The following TOP6BL variants were observed in gnomAD, a reference collection of about 807,000 sequenced individuals.
TOP6BL encodes the protein TOP6B like initiator of meiotic double strand breaks.
chr11:66,748,389 T>G, the TOP6BL span: 17 of 1,535,406 alleles, frequency 1.1e-5, no homozygotes, highest in Non-Finnish European at 1.5e-5. Flanking sequence ...ATTTTGAGAT[T>G]TTTAATAATT....
At chr11:66,779,489 G>A in the TOP6BL span, among the ~76,000 whole-genome samples, 65 of 152,216 alleles carry the variant, frequency 4.3e-4, no homozygotes, top group Admixed American at 1.5e-3. Context: ...TTAGAATGGC[G>A]ATCATTAAAA....
At chr11:66,784,057 G>A in the TOP6BL span, among the ~76,000 whole-genome samples, 1 of 152,040 alleles carries the variant, frequency 6.6e-6, no homozygotes, top group Non-Finnish European at 1.5e-5. Context: ...CTGAGATGGA[G>A]TCTTGCTCTG....
chr11:66,843,507 G>A, the TOP6BL span: 2 of 1,493,336 alleles, frequency 1.3e-6, no homozygotes, highest in South Asian at 1.3e-5. Flanking sequence ...GTCGCGGCCG[G>A]AGCGGCCGCC....
chr11:66,822,581 G>A, the TOP6BL span: 3 of 1,551,652 alleles, frequency 1.9e-6, no homozygotes, highest in East Asian at 2.4e-5. Context: ...AGAAACTACA[G>A]GCCTCACTCT....
chr11:66,777,042 A>ACTATATATAT, the TOP6BL span, among the ~76,000 whole-genome samples: 1 of 145,900 alleles, frequency 6.9e-6, no homozygotes, highest in South Asian at 2.3e-4. Flanking sequence ...TGTTGTAATC[A>ACTATATATAT]CTATATCTAT....
chr11:66,822,665 G>T, the TOP6BL span: 2 of 1,543,770 alleles, frequency 1.3e-6, no homozygotes, highest in South Asian at 2.4e-5. Context: ...TGTGTCTCCA[G>T]ACCCTTCAAG....
the TOP6BL span, among the ~76,000 whole-genome samples, chr11:66,841,699 A>C: frequency 6.6e-6 from 1 of 152,206 alleles, no homozygotes; most frequent in African/African-American, 2.4e-5. Flanking sequence ...GTGTGCCTTT[A>C]GTCCCAGTTA....
At chr11:66,805,626 T>C in the TOP6BL span, among the ~76,000 whole-genome samples, 1 of 152,146 alleles carries the variant, frequency 6.6e-6, no homozygotes, top group Non-Finnish European at 1.5e-5. Context: ...AGTTAATTTT[T>C]GCATTTTTGG....
the TOP6BL span, among the ~76,000 whole-genome samples, chr11:66,824,437 T>C: frequency 5.6e-4 from 82 of 147,116 alleles, no homozygotes; most frequent in Non-Finnish European, 9.7e-4. Flanking sequence ...TTATTATTAT[T>C]ATTATTATTA....
the TOP6BL span, chr11:66,813,732 C>CA: frequency 0.1 from 62,981 of 615,286 alleles, 22 homozygotes; most frequent in Non-Finnish European, 0.11. Flanking sequence ...GACTCCATCT[C>CA]AAAAAAAAAA....
the TOP6BL span, among the ~76,000 whole-genome samples, chr11:66,832,836 G>A: frequency 6.6e-6 from 1 of 152,150 alleles, no homozygotes; most frequent in Admixed American, 6.6e-5. Flanking sequence ...AATTTATTGT[G>A]TCACAGTTCT....
the TOP6BL span, among the ~76,000 whole-genome samples, chr11:66,835,319 TTA>T: frequency 1.3e-5 from 2 of 151,352 alleles, no homozygotes; most frequent in Non-Finnish European, 2.9e-5. Context: ...GTTTCTTTCT[TTA>T]TGTCTTTAGA....
the TOP6BL span, chr11:66,788,125 CTTGT>C: frequency 6.8e-7 from 1 of 1,460,458 alleles, no homozygotes; most frequent in Middle Eastern, 1.7e-4. Context: ...ATCCAAACTG[CTTGT>C]TTGACTTTGT....
At chr11:66,814,584 G>A in the TOP6BL span, among the ~76,000 whole-genome samples, 1 of 151,988 alleles carries the variant, frequency 6.6e-6, no homozygotes, top group South Asian at 2.1e-4. Flanking sequence ...GTTGATACTG[G>A]TTCTCCTCTT....
At chr11:66,818,586 A>C in the TOP6BL span, among the ~76,000 whole-genome samples, 1 of 152,094 alleles carries the variant, frequency 6.6e-6, no homozygotes, top group East Asian at 1.9e-4. Flanking sequence ...TAATTTTAGC[A>C]CTGATACCAA....
At chr11:66,843,353 G>GGCCCA in the TOP6BL span, 40 of 1,440,430 alleles carry the variant, frequency 2.8e-5, no homozygotes, top group Non-Finnish European at 3.4e-5. Context: ...TTCCGCGTCG[G>GGCCCA]GCCCGGGCGG....
the TOP6BL span, among the ~76,000 whole-genome samples, chr11:66,764,293 T>C: frequency 6.6e-6 from 1 of 152,108 alleles, no homozygotes; most frequent in Admixed American, 6.6e-5. Context: ...TTTGGGTTGA[T>C]GCAGAGAAGG....
the TOP6BL span, chr11:66,761,444 T>G: frequency 3.6e-6 from 1 of 275,060 alleles, no homozygotes; most frequent in Non-Finnish European, 6.4e-6. Flanking sequence ...AAACATAGAA[T>G]TTAAATTTGG....
At chr11:66,804,438 G>A in the TOP6BL span, among the ~76,000 whole-genome samples, 1 of 152,176 alleles carries the variant, frequency 6.6e-6, no homozygotes, top group Non-Finnish European at 1.5e-5. Context: ...AATGGTGCAC[G>A]AGGAAGAGAT....
Sources: allele counts gnomAD v4.1 joint callset (sites outside exome capture counted in the v4.1 genomes callset), GRCh38; gene constraint gnomAD v4.1.1; transcripts MANE v1.5; gene names NCBI Gene and HGNC (gene_info 2026-07-23, HGNC 2026-07-21).